The following SORT1 variants were observed in gnomAD, a reference collection of about 807,000 sequenced individuals.
SORT1 encodes the protein sortilin.
A neutral mutation model predicts 101.7 loss-of-function variants in SORT1; 39 were observed. The observed-to-expected ratio is 0.38, with a 90% CI of 0.30 to 0.50. SORT1 has a LOEUF of 0.50. Among genes scored for constraint, SORT1 ranks in the 20% least tolerant of loss-of-function variants. The probability of loss-of-function intolerance (pLI) is 0.90; values close to 1 mark genes in which losing one functional copy is unlikely to be tolerated. For missense variants in SORT1, 878 were observed against 1,040.4 expected, an observed-to-expected ratio of 0.84 and a Z score of 2.15; for synonymous variants, 396 against 393.7, an observed-to-expected ratio of 1.01 and a Z score of -0.07.
rs1658924820 is a variant in SORT1, at chr1:109,314,587, T to C, written c.2357+85A>G. 3.2e-5 allele frequency: 36 copies of C among 1,123,170 alleles called. No individual in the cohort carries two copies. In the South Asian group the frequency reaches 4.3e-4, roughly 13 times the overall value. The allele number at this position is 1,123,170 out of a possible 1,614,324, so 69.6% of individuals were successfully genotyped here. ...GAACAGTACTGCAAGTACCTAGTTT[T>C]TGCCAAGAGTAGACTCAGCCATATG... On this transcript the variant is annotated intron_variant, in intron 18 of 19. Coordinates refer to ENST00000256637, the MANE Select transcript of SORT1 (RefSeq NM_002959.7).
chr1:109,390,753 GTGTGTGTGTGTGTGTGTA>G (rs935623303), intron 1 of SORT1, among the ~76,000 whole-genome samples: 1 of 138,736 alleles, frequency 7.2e-6, no homozygotes, highest in African/African-American at 2.9e-5. Context: ...ATATTAGAAA[GTGTGTGTGTGTGTGTGTA>G]TGTGTGTGTG....
intron 1 of SORT1, among the ~76,000 whole-genome samples, chr1:109,371,093 T>C (rs1335956375): frequency 6.6e-6 from 1 of 152,230 alleles, no homozygotes; most frequent in Admixed American, 6.5e-5. Context: ...ACAATTTTTG[T>C]AAGTTAGTAC....
chr1:109,318,981 T>C (rs1647436260), intron 15 of SORT1, among the ~76,000 whole-genome samples: 1 of 152,196 alleles, frequency 6.6e-6, no homozygotes, highest in Non-Finnish European at 1.5e-5. Flanking sequence ...TTTTGCCATA[T>C]TGCCCAGCCT....
At chr1:109,342,290 T>A in intron 8 of SORT1, 132 bp from the exon 9 acceptor site, 1 of 701,990 alleles carries the variant, frequency 1.4e-6, no homozygotes, top group Non-Finnish European at 2.4e-6. Flanking sequence ...GAATGAAAGG[T>A]CATAGTACCA....
chr1:109,315,351 G>A lies in SORT1; in HGVS notation c.2251-573C>T, dbSNP rs1241004780. ...TGTGTTTTCAATGTATCCCAGAGGA[G>A]GCAGAGCTGGATTCTAGGACAAGCT... is the stretch of plus-strand genomic sequence containing the variant. On this transcript the variant is annotated intron_variant, in intron 17 of 19. Transcript: ENST00000256637. 2.8e-4 allele frequency among the ~76,000 whole-genome samples: 43 copies of A among 152,154 alleles called. 1 individual carries two copies. The highest frequency in any genetic ancestry group is 2.8e-3 in the Admixed American group (43 of 15,278).
chr1:109,326,428 A>AATATATATATATATATAT (rs1166570516), intron 13 of SORT1, among the ~76,000 whole-genome samples: 1 of 70,914 alleles, frequency 1.4e-5, no homozygotes, highest in African/African-American at 5.9e-5. Flanking sequence ...AGACAGAAAG[A>AATATATATATATATATAT]ATATATATAT....
At chr1:109,353,109 T>C (rs1014744059) in intron 5 of SORT1, among the ~76,000 whole-genome samples, 8 of 152,026 alleles carry the variant, frequency 5.3e-5, no homozygotes, top group African/African-American at 1.9e-4. Context: ...GCAGATCACC[T>C]GAGGTCAGGA....
rs995865018 is a variant in SORT1 at position 109,310,114 on chromosome 1, G to C, written c.*3929C>G. On this transcript the variant is annotated 3_prime_UTR_variant, in exon 20 of 20. Coordinates refer to ENST00000256637, the MANE Select transcript of SORT1 (RefSeq NM_002959.7). Reference sequence around the variant, plus strand: ...GGATGAGAACTACATTAAGGATCTGGGGCATAGCAATAAATCATTACCATG... The same window carrying C: ...GGATGAGAACTACATTAAGGATCTGCGGCATAGCAATAAATCATTACCATG... 19 of 152,444 alleles carry C rather than the reference G, an allele frequency of 1.2e-4. No individual in the cohort carries two copies. Among genetic ancestry groups the C allele is most frequent in the Non-Finnish European group, 2.4e-4 (16 of 68,032 alleles). The allele number at this position is 152,444 out of a possible 1,614,324, so 9.4% of individuals were successfully genotyped here.
intron 3 of SORT1, among the ~76,000 whole-genome samples, chr1:109,358,476 AT>A (rs1389730954): frequency 6.6e-6 from 1 of 152,208 alleles, no homozygotes. Flanking sequence ...TAATTTTCAA[AT>A]TCCATATGAT....
At chr1:109,343,104 G>C (rs917788263) in intron 8 of SORT1, among the ~76,000 whole-genome samples, 16 of 152,160 alleles carry the variant, frequency 1.1e-4, no homozygotes, top group African/African-American at 3.9e-4. Flanking sequence ...ATTTGAGTCT[G>C]ATTTCCAGCA....
chr1:109,349,423 G>A (rs942065146), intron 6 of SORT1, among the ~76,000 whole-genome samples: 2 of 152,044 alleles, frequency 1.3e-5, no homozygotes, highest in Non-Finnish European at 2.9e-5. Flanking sequence ...TAAAACGAAA[G>A]CAAATGTGGC....
intron 15 of SORT1, among the ~76,000 whole-genome samples, chr1:109,321,479 G>A (rs1647621782): frequency 6.6e-6 from 1 of 152,146 alleles, no homozygotes; most frequent in African/African-American, 2.4e-5. Flanking sequence ...GGATAGGAGA[G>A]AACCCTTTAC....
chr1:109,393,857 T>A (rs1653043480), intron 1 of SORT1, among the ~76,000 whole-genome samples: 1 of 151,758 alleles, frequency 6.6e-6, no homozygotes, highest in Non-Finnish European at 1.5e-5. Flanking sequence ...ATATATTATG[T>A]AATACAAATA....
At chr1:109,334,331 A>G (rs1254198967) in intron 11 of SORT1, among the ~76,000 whole-genome samples, 1 of 152,202 alleles carries the variant, frequency 6.6e-6, no homozygotes, top group Non-Finnish European at 1.5e-5. Context: ...TGAATGGACA[A>G]AGAAAATGGA....
At chr1:109,380,452 T>C (rs1461245466) in intron 1 of SORT1, among the ~76,000 whole-genome samples, 1 of 151,080 alleles carries the variant, frequency 6.6e-6, no homozygotes, top group Non-Finnish European at 1.5e-5. Context: ...TGAAAAAAAC[T>C]GGAAAAAAAT....
At chr1:109,333,831 G>A (rs1192677811) in intron 11 of SORT1, among the ~76,000 whole-genome samples, 2 of 152,210 alleles carry the variant, frequency 1.3e-5, no homozygotes, top group Non-Finnish European at 2.9e-5. Context: ...ATGCAATACC[G>A]TAAGAAATTT....
At chr1:109,320,750 G>A (rs1293396070) in intron 15 of SORT1, among the ~76,000 whole-genome samples, 6 of 152,056 alleles carry the variant, frequency 3.9e-5, no homozygotes, top group Admixed American at 2.0e-4. Context: ...CATTACCTGC[G>A]CATAGCTGGT....
intron 9 of SORT1, among the ~76,000 whole-genome samples, chr1:109,341,203 T>C (rs896810118): frequency 2.6e-5 from 4 of 152,232 alleles, no homozygotes; most frequent in Admixed American, 2.0e-4. Context: ...TTTTTAAATC[T>C]TTACACTCTA....
intron 1 of SORT1, among the ~76,000 whole-genome samples, chr1:109,391,284 C>G (rs577052543): frequency 1.2e-4 from 18 of 152,116 alleles, no homozygotes; most frequent in African/African-American, 4.3e-4. Context: ...TAGTAAAACA[C>G]CCCTAAATGT....
Sources: allele counts gnomAD v4.1 joint callset (sites outside exome capture counted in the v4.1 genomes callset), GRCh38; gene constraint gnomAD v4.1.1; transcripts MANE v1.5; gene names NCBI Gene and HGNC (gene_info 2026-07-23, HGNC 2026-07-21).